PRR16: variants seen among roughly 807,000 people sequenced by gnomAD.
PRR16 encodes protein Largen.
PRR16 carries 6 observed loss-of-function variants against 18.2 expected under a neutral mutation model. That is an observed-to-expected ratio of 0.33 (90% confidence interval 0.18 to 0.65). The LOEUF (loss-of-function observed/expected upper bound fraction) is 0.65. PRR16 is among the 30% of genes least tolerant of loss of function. The pLI is 0.74. For missense variants in PRR16, 412 were observed against 376.6 expected, an observed-to-expected ratio of 1.09 and a Z score of -0.78; for synonymous variants, 151 against 147.8, an observed-to-expected ratio of 1.02 and a Z score of -0.16.
intron 1 of PRR16, among the ~76,000 whole-genome samples, chr5:120,477,810 G>C (rs1749490297): frequency 6.6e-6 from 1 of 152,010 alleles, no homozygotes; most frequent in Non-Finnish European, 1.5e-5. Context: ...AGTCACAGTA[G>C]TCGGCTGTTA....
At position 120,647,972 on chromosome 5, in the gene PRR16, A is replaced by G. The variant is rs549477885; in HGVS notation, c.160-37982A>G. On this transcript the variant is annotated intron_variant, in intron 1 of 1. Transcript: ENST00000407149. Reference sequence around the variant, plus strand: ...CAGAGAGGACTTATTACACTATTAGATATAGCATTTTGGAAAGGAATGGGT... The same window carrying G: ...CAGAGAGGACTTATTACACTATTAGGTATAGCATTTTGGAAAGGAATGGGT... Among the ~76,000 whole-genome samples the G allele has an allele frequency of 3.3e-5, 5 of 152,196 alleles. No homozygotes were observed. In the South Asian group the frequency reaches 6.2e-4, roughly 19 times the overall value.
intron 1 of PRR16, among the ~76,000 whole-genome samples, chr5:120,589,242 C>T (rs1222664591): frequency 1.3e-5 from 2 of 152,064 alleles, no homozygotes; most frequent in Non-Finnish European, 2.9e-5. Context: ...TAAAAATATG[C>T]ATACTCCAGT....
intron 1 of PRR16, among the ~76,000 whole-genome samples, chr5:120,466,010 T>A (rs779253887): frequency 2.0e-5 from 3 of 152,186 alleles, no homozygotes; most frequent in Non-Finnish European, 2.9e-5. Context: ...AAATGGGCCA[T>A]TCGTCACCAG....
At chr5:120,604,473 C>A (rs979861135) in intron 1 of PRR16, among the ~76,000 whole-genome samples, 2 of 152,104 alleles carry the variant, frequency 1.3e-5, no homozygotes, top group African/African-American at 4.8e-5. Flanking sequence ...TTGAAGACAG[C>A]ATACAGTTGG....
chr5:120,564,331 A>T (rs954726946), intron 1 of PRR16, among the ~76,000 whole-genome samples: 3 of 151,986 alleles, frequency 2.0e-5, no homozygotes, highest in Admixed American at 2.0e-4. Context: ...TTGCCTAAGA[A>T]ATCCAGTCTT....
At chr5:120,570,926 A>C (rs988773044) in intron 1 of PRR16, among the ~76,000 whole-genome samples, 1 of 152,184 alleles carries the variant, frequency 6.6e-6, no homozygotes, top group African/African-American at 2.4e-5. Flanking sequence ...GGAAATAAAC[A>C]AGTGAATAGG....
the PRR16 span, among the ~76,000 whole-genome samples, chr5:120,732,229 TG>T: frequency 6.6e-6 from 1 of 152,170 alleles, no homozygotes; most frequent in Non-Finnish European, 1.5e-5. Flanking sequence ...ATCAGTTGTC[TG>T]AAAGAGGAGA....
At chr5:120,510,393 T>C (rs975655310) in intron 1 of PRR16, among the ~76,000 whole-genome samples, 6 of 152,220 alleles carry the variant, frequency 3.9e-5, no homozygotes, top group Non-Finnish European at 7.3e-5. Context: ...GTCTTGACAG[T>C]TGAAACTGCT....
chr5:120,654,863 T>G (rs766284674), intron 1 of PRR16, among the ~76,000 whole-genome samples: 1 of 151,746 alleles, frequency 6.6e-6, no homozygotes, highest in Non-Finnish European at 1.5e-5. Context: ...GATAAAAACA[T>G]TGTAGGAACA....
chr5:120,577,253 G>A (rs760339281), intron 1 of PRR16, among the ~76,000 whole-genome samples: 54 of 152,068 alleles, frequency 3.6e-4, no homozygotes, highest in Non-Finnish European at 6.2e-4. Flanking sequence ...TATTTTATCT[G>A]ACATGTCCTT....
At chr5:120,504,488 C>T (rs1163551425) in intron 1 of PRR16, among the ~76,000 whole-genome samples, 1 of 151,332 alleles carries the variant, frequency 6.6e-6, no homozygotes, top group Non-Finnish European at 1.5e-5. Flanking sequence ...CTTGAGACTG[C>T]CTGCTTTGAA....
At chr5:120,564,976 ACT>A (rs1312720233) in intron 1 of PRR16, among the ~76,000 whole-genome samples, 6 of 141,232 alleles carry the variant, frequency 4.2e-5, no homozygotes, top group Admixed American at 2.9e-4. Context: ...ACAGAGCAAG[ACT>A]CTGTTTCCAG....
the PRR16 span, among the ~76,000 whole-genome samples, chr5:120,720,222 A>C: frequency 6.6e-6 from 1 of 152,022 alleles, no homozygotes; most frequent in Non-Finnish European, 1.5e-5. Flanking sequence ...CTCAGGATTC[A>C]GCATGTTCTC....
chr5:120,488,051 A>T (rs1453910896), intron 1 of PRR16, among the ~76,000 whole-genome samples: 1 of 152,202 alleles, frequency 6.6e-6, no homozygotes, highest in Non-Finnish European at 1.5e-5. Flanking sequence ...TTGGTTTGCC[A>T]GTATTTTATT....
the PRR16 span, among the ~76,000 whole-genome samples, chr5:120,790,973 T>C: frequency 6.6e-6 from 1 of 152,186 alleles, no homozygotes; most frequent in Non-Finnish European, 1.5e-5. Flanking sequence ...TCCAAAGTTT[T>C]TAATGACCAT....
chr5:120,497,820 TA>T (rs1359983359), intron 1 of PRR16, among the ~76,000 whole-genome samples: 5 of 151,316 alleles, frequency 3.3e-5, no homozygotes, highest in Middle Eastern at 3.5e-3. Flanking sequence ...ACATTATATA[TA>T]TTTTTTTATT....
chr5:120,563,887 C>T (rs758784958), intron 1 of PRR16, among the ~76,000 whole-genome samples: 1 of 152,194 alleles, frequency 6.6e-6, no homozygotes, highest in Non-Finnish European at 1.5e-5. Flanking sequence ...TGGCATATCT[C>T]AGAGCCCAAA....
chr5:120,478,028 A>G (rs1749498976), intron 1 of PRR16, among the ~76,000 whole-genome samples: 1 of 151,960 alleles, frequency 6.6e-6, no homozygotes, highest in East Asian at 1.9e-4. Context: ...TATTTCTCAT[A>G]TTTATTATTA....
At chr5:120,758,015 C>G in the PRR16 span, among the ~76,000 whole-genome samples, 2 of 81,404 alleles carry the variant, frequency 2.5e-5, no homozygotes, top group African/African-American at 7.2e-5. Context: ...AATATGGCTA[C>G]TTTTGTAATT....
Sources: allele counts gnomAD v4.1 joint callset (sites outside exome capture counted in the v4.1 genomes callset), GRCh38; gene constraint gnomAD v4.1.1; transcripts MANE v1.5; gene names NCBI Gene and HGNC (gene_info 2026-07-23, HGNC 2026-07-21).